The following NECTIN2 variants were observed in gnomAD, a reference collection of about 807,000 sequenced individuals.
NECTIN2 encodes nectin-2.
In NECTIN2, 23 loss-of-function variants were observed where a neutral mutation model predicts 56.9. The ratio of observed to expected loss-of-function variants is 0.40; its 90% confidence interval spans 0.29 to 0.57. The LOEUF is 0.57. Ranked by LOEUF, NECTIN2 falls within the 20% of genes least tolerant of loss-of-function variation. The pLI is 0.38. For missense variants in NECTIN2, 587 were observed against 718.3 expected, an observed-to-expected ratio of 0.82 and a Z score of 2.09; for synonymous variants, 302 against 313.8, an observed-to-expected ratio of 0.96 and a Z score of 0.40.
At chr19:44,859,400 A>C (rs1352154914) in intron 1 of NECTIN2, among the ~76,000 whole-genome samples, 8 of 152,116 alleles carry the variant, frequency 5.3e-5, no homozygotes, top group East Asian at 1.9e-4. Flanking sequence ...AGGCACAGAG[A>C]GGTTAAGTGG....
chr19:44,877,954 A>G (rs1406207373), intron 5 of NECTIN2, among the ~76,000 whole-genome samples: 1 of 152,118 alleles, frequency 6.6e-6, no homozygotes, highest in East Asian at 1.9e-4. Context: ...GCAAAACACT[A>G]ACACCTGGGG....
Position 44,874,646 on chromosome 19 carries a change from G to T in NECTIN2, c.1042+168G>T. Reference sequence around the variant, plus strand: ...GGTTGGCCTTCCCCTCGTGGCCTCAGACTGGGGTCTGGATTTGGGGTGTCG... The same window carrying T: ...GGTTGGCCTTCCCCTCGTGGCCTCATACTGGGGTCTGGATTTGGGGTGTCG... On this transcript the variant is annotated intron_variant, in intron 5 of 8. Transcript: ENST00000252483. The surrounding 1 kb of genome is among the most constrained non-coding windows in gnomAD (Gnocchi z 6.3). 1 of 808,104 alleles carries T rather than the reference G, an allele frequency of 1.2e-6. No individual in the cohort carries two copies. The highest frequency in any genetic ancestry group is 1.7e-5 in the African/African-American group (1 of 58,276). 50.1% of individuals were successfully genotyped at this position (808,104 alleles called of 1,614,324 possible). A position where few individuals can be genotyped will look rare whatever the true frequency, so the allele number is the denominator to read the frequency against.
rs533232752 is a variant in NECTIN2, at chr19:44,846,533, G to A, written c.8G>A (p.Arg3Gln). 1.4e-4 allele frequency: 205 copies of A among 1,517,620 alleles called. 2 individuals are homozygous for A. The East Asian group carries it at 4.5e-3, about 33-fold the overall frequency. The allele number at this position is 1,517,620 out of a possible 1,614,324, so 94.0% of individuals were successfully genotyped here. A position where few individuals can be genotyped will look rare whatever the true frequency, so the allele number is the denominator to read the frequency against. Residue 3 changes from arginine to glutamine, a missense_variant, in exon 1 of 9, where the codon CGG (arginine) becomes CAG (glutamine). By Grantham distance (43) the Arg-to-Gln change is conservative (BLOSUM62 1). Transcript: ENST00000252483. MARAAALLPSRSP... is the reference protein window; with the variant it reads MAQAAALLPSRSP... ...TCCCCTCCCGGGCCCTCCATGGCCC[G>A]GGCCGCTGCCCTCCTGCCGTCGAGA...
chr19:44,865,233 C>A lies in NECTIN2; in HGVS notation c.89-38C>A. ...TGCCTGGAGGTGTCTGGGTCCCTCC[C>A]CCACCCGACTACTTCACTCTCTGTC... On this transcript the variant is annotated intron_variant, in intron 1 of 8. Coordinates refer to ENST00000252483, the MANE Select transcript of NECTIN2 (RefSeq NM_001042724.2). This position sits in a 1 kb window ranked among gnomAD's most constrained non-coding sequence, Gnocchi z 5.2. 1.3e-6 allele frequency: 2 copies of A among 1,559,440 alleles called. No individual in the cohort carries two copies. Among genetic ancestry groups the A allele is most frequent in the South Asian group, 1.2e-5 (1 of 82,528 alleles).
intron 1 of NECTIN2, among the ~76,000 whole-genome samples, chr19:44,857,727 G>GTTTTT (rs1968984204): frequency 8.8e-6 from 1 of 113,938 alleles, no homozygotes. Context: ...TTTTTTTTAA[G>GTTTTT]AGATGAAGTC....
chr19:44,851,521 C>T (rs900065894), intron 1 of NECTIN2, among the ~76,000 whole-genome samples: 2 of 152,214 alleles, frequency 1.3e-5, no homozygotes, highest in African/African-American at 2.4e-5. Context: ...TTGGTCTACC[C>T]ATCCCTGGAT....
Position 44,885,971 on chromosome 19 carries a change from C to T in NECTIN2, c.1231C>T (p.Pro411Ser). Residue 411 changes from proline to serine, a missense_variant, in exon 7 of 9, where the codon CCA (proline) becomes TCA (serine). Transcript: ENST00000252483. ...ACCTCCCTCCTACAAGCCACCGACC[C>T]CAAAAGCGAAGCTGGAGGCACAGGA... is the stretch of plus-strand genomic sequence containing the variant. ...EGPPSYKPPT[P>S]KAKLEAQEMP... 6.2e-7 allele frequency: 1 copy of T among 1,604,348 alleles called. No homozygotes were observed. The highest frequency in any genetic ancestry group is 8.5e-7 in the Non-Finnish European group (1 of 1,171,160).
chr19:44,878,408 C>T lies in NECTIN2; in HGVS notation c.1043-3803C>T, dbSNP rs772731511. 12 of 1,566,866 alleles carry T rather than the reference C, an allele frequency of 7.7e-6. No individual in the cohort carries two copies. In the East Asian group the frequency reaches 1.9e-4, roughly 25 times the overall value. On this transcript the variant is annotated intron_variant, in intron 5 of 8. Coordinates refer to ENST00000252483, the MANE Select transcript of NECTIN2 (RefSeq NM_001042724.2). ...CAGTGGCGACGGGGGATTCTACGAT[C>T]CGAAAGCTCAGGTGTTGGGAAATGG...
Position 44,883,177 on chromosome 19 carries a change from G to T in NECTIN2, c.1196+813G>T, listed in dbSNP as rs576843871. On this transcript the variant is annotated intron_variant, in intron 6 of 8. Transcript: ENST00000252483. ...ATTGATTGGCTATCCATTGCTCTTT[G>T]TATCACAAATTCCAGAAACCTGAAG... is the stretch of plus-strand genomic sequence containing the variant. 7.2e-5 allele frequency among the ~76,000 whole-genome samples: 11 copies of T among 152,172 alleles called. No individual in the cohort carries two copies. In the South Asian group the frequency reaches 1.0e-3, roughly 14 times the overall value.
Position 44,874,181 on chromosome 19 carries a change from T to C in NECTIN2, c.893+148T>C. The C allele has an allele frequency of 3.2e-6, 4 of 1,246,628 alleles. No homozygotes were observed. The East Asian group carries it at 9.3e-5, about 29-fold the overall frequency. The allele number at this position is 1,246,628 out of a possible 1,614,324, so 77.2% of individuals were successfully genotyped here. On this transcript the variant is annotated intron_variant, in intron 4 of 8. Coordinates refer to ENST00000252483, the MANE Select transcript of NECTIN2 (RefSeq NM_001042724.2). The surrounding 1 kb of genome is among the most constrained non-coding windows in gnomAD (Gnocchi z 6.3). ...GCCTAAATTCCTAAGTCCTCCAGGA[T>C]GAAGGGAGCTTGCATTTTGGCAATT...
chr19:44,886,307 A>C, intron 8 of NECTIN2, 88 bp downstream of exon 8: 3 of 1,079,964 alleles, frequency 2.8e-6, no homozygotes, highest in Non-Finnish European at 4.1e-6. Context: ...CAAAGACTAA[A>C]GGTCATAACT....
intron 1 of NECTIN2, among the ~76,000 whole-genome samples, chr19:44,848,501 A>G (rs1045099596): frequency 2.6e-5 from 4 of 151,972 alleles, no homozygotes; most frequent in Non-Finnish European, 4.4e-5. Context: ...TGAGATAACA[A>G]TCCTTTCCCT....
chr19:44,870,844 C>G (rs140269962), intron 2 of NECTIN2, among the ~76,000 whole-genome samples: 181 of 151,980 alleles, frequency 1.2e-3, no homozygotes, highest in Non-Finnish European at 2.0e-3. Flanking sequence ...ATTCTCTTAC[C>G]TCAGCCTCCC....
chr19:44,857,712 T>G (rs540626410), intron 1 of NECTIN2, among the ~76,000 whole-genome samples: 12 of 140,794 alleles, frequency 8.5e-5, no homozygotes, highest in African/African-American at 2.9e-4. Context: ...TTTGTTTTTG[T>G]TTTTTTTTTT....
chr19:44,873,528 G>A (rs868528112), intron 3 of NECTIN2, among the ~76,000 whole-genome samples: 28 of 152,150 alleles, frequency 1.8e-4, no homozygotes, highest in African/African-American at 6.0e-4. Context: ...AGCCATTTGG[G>A]AGGCTGAGGC....
intron 8 of NECTIN2, among the ~76,000 whole-genome samples, chr19:44,886,947 G>A (rs1453547319): frequency 6.6e-6 from 1 of 150,902 alleles, no homozygotes; most frequent in East Asian, 2.0e-4. Flanking sequence ...TGGGCGGATT[G>A]CTTAAGCCCA....
intron 8 of NECTIN2, 124 bp from the exon 9 acceptor site, chr19:44,887,986 G>A: frequency 9.7e-7 from 1 of 1,029,438 alleles, no homozygotes. Flanking sequence ...AGGGGACAAG[G>A]AGTGAGGTGG....
intron 5 of NECTIN2, among the ~76,000 whole-genome samples, chr19:44,879,198 A>C (rs542867673): frequency 1.3e-5 from 2 of 151,848 alleles, no homozygotes; most frequent in Non-Finnish European, 2.9e-5. Flanking sequence ...AGGCCTGGAC[A>C]TTTGGACTCC....
chr19:44,852,426 GTTTTTTTTGT>G (rs1568586433), intron 1 of NECTIN2, among the ~76,000 whole-genome samples: 4 of 70,182 alleles, frequency 5.7e-5, no homozygotes, highest in Admixed American at 3.7e-4. Flanking sequence ...TTCTCTTTTT[GTTTTTTTTGT>G]TTTTTTTTTG....
Sources: allele counts gnomAD v4.1 joint callset (sites outside exome capture counted in the v4.1 genomes callset), GRCh38; gene constraint gnomAD v4.1.1; non-coding constraint Gnocchi (gnomAD v3.1); transcripts MANE v1.5; gene names NCBI Gene and HGNC (gene_info 2026-07-23, HGNC 2026-07-21).